The following MMD variants were observed in gnomAD, a reference collection of about 807,000 sequenced individuals.
MMD encodes the protein monocyte to macrophage differentiation associated.
MMD carries 22 observed loss-of-function variants against 33.6 expected under a neutral mutation model. The observed-to-expected ratio is 0.66, with a 90% CI of 0.47 to 0.94. The LOEUF (loss-of-function observed/expected upper bound fraction) is 0.94, where lower values mean the gene tolerates loss of function less well. Among genes scored for constraint, MMD ranks in the 40% least tolerant of loss-of-function variants. MMD has a pLI of 0.00. For synonymous variants in MMD, 97 were observed against 103.2 expected (o/e 0.94, Z 0.36); for missense variants, 242 against 309.8 (o/e 0.78, Z 1.64).
intron 6 of MMD, among the ~76,000 whole-genome samples, chr17:55,395,302 C>A (rs1051364423): frequency 6.6e-6 from 1 of 152,188 alleles, no homozygotes; most frequent in South Asian, 2.1e-4. Context: ...AGAATAGAGG[C>A]AATGCTTAGA....
chr17:55,408,988 GAT>G (rs1907658787), intron 3 of MMD, among the ~76,000 whole-genome samples: 1 of 151,972 alleles, frequency 6.6e-6, no homozygotes, highest in Non-Finnish European at 1.5e-5. Flanking sequence ...GCAACAGAGT[GAT>G]AGTCTGTCTC....
At chr17:55,409,706 A>G (rs1462509803) in intron 3 of MMD, among the ~76,000 whole-genome samples, 1 of 152,238 alleles carries the variant, frequency 6.6e-6, no homozygotes, top group Non-Finnish European at 1.5e-5. Flanking sequence ...TGCTATTCAA[A>G]GTTAAAGAGA....
intron 4 of MMD, chr17:55,404,374 T>A: frequency 1.2e-6 from 1 of 815,504 alleles, no homozygotes; most frequent in African/African-American, 1.9e-5. Flanking sequence ...AAGAATTAGT[T>A]TCAACATGGT....
In MMD at chr17:55,408,198, G is replaced by A. The variant is rs140024231; in HGVS notation, c.270-378C>T. 1.8e-3 allele frequency among the ~76,000 whole-genome samples: 274 copies of A among 152,214 alleles called. 3 individuals carry two copies. Among genetic ancestry groups the A allele is most frequent in the East Asian group, 6.7e-3 (35 of 5,188 alleles). The stretch of plus-strand genomic sequence containing the variant: ...TTCCTGGAGGGCAGACCACCTCCCC[G>A]CAACCTGCCCCAGCTCCTATCAGTG... On this transcript the variant is annotated intron_variant, in intron 3 of 6. Coordinates refer to ENST00000262065, the MANE Select transcript of MMD (RefSeq NM_012329.3).
chr17:55,403,504 T>G (rs1907425821), intron 5 of MMD, among the ~76,000 whole-genome samples: 1 of 152,206 alleles, frequency 6.6e-6, no homozygotes, highest in Non-Finnish European at 1.5e-5. Flanking sequence ...GCTATAGAAA[T>G]GAAGTCTGAT....
intron 6 of MMD, 104 bp downstream of exon 6, chr17:55,401,365 A>T: frequency 2.0e-6 from 2 of 983,524 alleles, no homozygotes; most frequent in Non-Finnish European, 3.0e-6. Flanking sequence ...GCCTCTATTT[A>T]ATGGACATAA....
At chr17:55,410,011 C>T (rs1907702983) in intron 3 of MMD, among the ~76,000 whole-genome samples, 1 of 152,190 alleles carries the variant, frequency 6.6e-6, no homozygotes, top group South Asian at 2.1e-4. Flanking sequence ...GAAACTGTCA[C>T]CTTACAGGAA....
chr17:55,395,809 GT>G (rs1907076487), intron 6 of MMD, among the ~76,000 whole-genome samples: 1 of 152,160 alleles, frequency 6.6e-6, no homozygotes, highest in Non-Finnish European at 1.5e-5. Flanking sequence ...ATTCCTCAAG[GT>G]TATACAGCAA....
At chr17:55,398,125 A>AAAAG (rs996152545) in intron 6 of MMD, among the ~76,000 whole-genome samples, 2 of 139,526 alleles carry the variant, frequency 1.4e-5, no homozygotes, top group African/African-American at 5.3e-5. Flanking sequence ...AAAAAAAAAA[A>AAAAG]AAAAGAAAAG....
At chr17:55,397,595 G>A (rs1422805697) in intron 6 of MMD, among the ~76,000 whole-genome samples, 3 of 151,798 alleles carry the variant, frequency 2.0e-5, no homozygotes, top group Non-Finnish European at 4.4e-5. Flanking sequence ...CCCGACCTCA[G>A]CTCACTACAA....
intron 4 of MMD, 57 bp from the exon 5 acceptor site, chr17:55,403,925 G>T: frequency 7.5e-7 from 1 of 1,340,774 alleles, no homozygotes; most frequent in Non-Finnish European, 1.1e-6. Context: ...GGAATTCATA[G>T]AACCTGTGTC....
intron 3 of MMD, among the ~76,000 whole-genome samples, chr17:55,409,924 G>A (rs1373637742): frequency 6.6e-6 from 1 of 152,190 alleles, no homozygotes; most frequent in Non-Finnish European, 1.5e-5. Flanking sequence ...GCCAGGACAG[G>A]CACTTTTGTG....
chr17:55,411,269 T>C lies in MMD; in HGVS notation c.257A>G (p.Lys86Arg). The change falls in exon 3 of 7, where the codon AAG (lysine) becomes AGG (arginine). Residue 86 changes from lysine to arginine, a missense_variant. Coordinates refer to ENST00000262065, the MANE Select transcript of MMD (RefSeq NM_012329.3). Reference sequence around the variant, plus strand: ...TCATCCACTGTACCTTAAGTGGCTCTTTTTCCATGATACAATGTGAAATAC... The same window carrying C: ...TCATCCACTGTACCTTAAGTGGCTCCTTTTCCATGATACAATGTGAAATAC... ...STVFHIVSWK[K>R]SHLRTVEHCF... 6.2e-7 allele frequency: 1 copy of C among 1,612,706 alleles called. No individual in the cohort carries two copies. Among genetic ancestry groups the C allele is most frequent in the Non-Finnish European group, 8.5e-7 (1 of 1,179,500 alleles).
chr17:55,397,365 C>T (rs991452707), intron 6 of MMD, among the ~76,000 whole-genome samples: 4 of 151,872 alleles, frequency 2.6e-5, no homozygotes, highest in African/African-American at 4.8e-5. Flanking sequence ...TTTGCCATGT[C>T]GGCTAGGCTG....
chr17:55,413,151 T>G (rs1907827153), intron 2 of MMD, among the ~76,000 whole-genome samples: 2 of 152,240 alleles, frequency 1.3e-5, no homozygotes, highest in Non-Finnish European at 2.9e-5. Flanking sequence ...CGAGTAAATA[T>G]TATTCCTAAA....
chr17:55,416,496 C>T (rs578141196), intron 1 of MMD, among the ~76,000 whole-genome samples: 1 of 152,178 alleles, frequency 6.6e-6, no homozygotes, highest in Non-Finnish European at 1.5e-5. Context: ...ATAAGGGTAA[C>T]TATCCTGGAA....
chr17:55,405,678 C>G (rs551823680), intron 4 of MMD, among the ~76,000 whole-genome samples: 19 of 122,312 alleles, frequency 1.6e-4, no homozygotes, highest in Admixed American at 8.4e-4. Flanking sequence ...TTCATAAAAG[C>G]CTTTCAGTGT....
intron 3 of MMD, among the ~76,000 whole-genome samples, chr17:55,409,388 T>C (rs1424942654): frequency 1.3e-5 from 2 of 152,198 alleles, no homozygotes; most frequent in Non-Finnish European, 2.9e-5. Flanking sequence ...TTCTGTTTTC[T>C]AGATTGTCAT....
At chr17:55,400,333 A>G (rs1178421197) in intron 6 of MMD, among the ~76,000 whole-genome samples, 1 of 152,114 alleles carries the variant, frequency 6.6e-6, no homozygotes, top group Non-Finnish European at 1.5e-5. Flanking sequence ...GGATCACCTG[A>G]GCTCAGGAGT....
Sources: allele counts gnomAD v4.1 joint callset (sites outside exome capture counted in the v4.1 genomes callset), GRCh38; gene constraint gnomAD v4.1.1; transcripts MANE v1.5; gene names NCBI Gene and HGNC (gene_info 2026-07-23, HGNC 2026-07-21).